The following CCDC192 variants were observed in gnomAD, a reference collection of about 807,000 sequenced individuals.
CCDC192 encodes the protein coiled-coil domain containing 192.
At chr5:127,870,564 G>C (rs1369642311) in intron 5 of CCDC192, among the ~76,000 whole-genome samples, 1 of 152,192 alleles carries the variant, frequency 6.6e-6, no homozygotes, top group Non-Finnish European at 1.5e-5. Flanking sequence ...AACTCTGGCA[G>C]CTCAACTTTC....
At chr5:127,915,159 T>C (rs1034641626) in intron 6 of CCDC192, among the ~76,000 whole-genome samples, 1 of 152,160 alleles carries the variant, frequency 6.6e-6, no homozygotes, top group South Asian at 2.1e-4. Flanking sequence ...CCAATACATA[T>C]AAAAGTTATG....
In CCDC192 at chr5:127,884,342, C is replaced by CAAAAAAAAA. The variant is rs778430655; in HGVS notation, c.535+8700_535+8708dup. On this transcript the variant is annotated intron_variant, in intron 6 of 6. Coordinates refer to ENST00000514853, the MANE Select transcript of CCDC192 (RefSeq NM_001317938.2). ...TGGGCGACAGAGCAAGACTCCGTCT[C>CAAAAAAAAA]AAAAAAAAAAAAAAAAAAAAAAAAA... is the stretch of plus-strand genomic sequence containing the variant. Among the ~76,000 whole-genome samples, 16 of 11,848 alleles carry CAAAAAAAAA rather than the reference C, an allele frequency of 1.4e-3. 1 individual carries two copies. The highest frequency in any genetic ancestry group is 2.0e-3 in the Non-Finnish European group (11 of 5,438). The allele number at this position is 11,848 out of a possible 152,430, so 7.8% of individuals were successfully genotyped here.
chr5:127,710,959 A>T (rs538444867), intron 2 of CCDC192, among the ~76,000 whole-genome samples: 2 of 152,268 alleles, frequency 1.3e-5, no homozygotes, highest in African/African-American at 4.8e-5. Flanking sequence ...GGAGAATTAG[A>T]ATGTTATTTA....
intron 5 of CCDC192, among the ~76,000 whole-genome samples, chr5:127,819,191 A>C (rs1204773336): frequency 6.6e-6 from 1 of 152,138 alleles, no homozygotes; most frequent in Non-Finnish European, 1.5e-5. Flanking sequence ...TTAAGCCACC[A>C]TTGAAAGCAA....
At chr5:127,907,502 T>C (rs1249473983) in intron 6 of CCDC192, among the ~76,000 whole-genome samples, 1 of 151,200 alleles carries the variant, frequency 6.6e-6, no homozygotes, top group Non-Finnish European at 1.5e-5. Flanking sequence ...TTATTTCCTT[T>C]CTCAACAGAG....
chr5:127,929,232 G>A (rs541239180), intron 6 of CCDC192, among the ~76,000 whole-genome samples: 6 of 152,306 alleles, frequency 3.9e-5, no homozygotes, highest in Middle Eastern at 3.4e-3. Flanking sequence ...TGAACCTGCC[G>A]CTGCTGTAGT....
intron 3 of CCDC192, among the ~76,000 whole-genome samples, chr5:127,771,119 A>T (rs1003867563): frequency 1.3e-5 from 2 of 152,228 alleles, no homozygotes; most frequent in Non-Finnish European, 2.9e-5. Context: ...TTCTACTGGA[A>T]GATGAAGTGC....
intron 5 of CCDC192, among the ~76,000 whole-genome samples, chr5:127,862,852 C>G (rs773857046): frequency 2.7e-5 from 4 of 150,188 alleles, no homozygotes; most frequent in Non-Finnish European, 5.9e-5. Context: ...CTGGCTCTAT[C>G]TGTCATGGAG....
At chr5:127,876,063 A>T (rs1447175919) in intron 6 of CCDC192, among the ~76,000 whole-genome samples, 1 of 128,796 alleles carries the variant, frequency 7.8e-6, no homozygotes, top group Admixed American at 8.0e-5. Flanking sequence ...AGAGAACAGA[A>T]TTTTTTTTTT....
At chr5:127,793,224 G>A (rs1220816708) in intron 3 of CCDC192, among the ~76,000 whole-genome samples, 2 of 152,116 alleles carry the variant, frequency 1.3e-5, no homozygotes, top group African/African-American at 4.8e-5. Flanking sequence ...CTAAAACATA[G>A]ATATCCTGAT....
At chr5:127,888,093 A>G (rs1259802776) in intron 6 of CCDC192, among the ~76,000 whole-genome samples, 1 of 151,978 alleles carries the variant, frequency 6.6e-6, no homozygotes, top group African/African-American at 2.4e-5. Context: ...AATACCTTAT[A>G]TATGTATTGT....
intron 6 of CCDC192, among the ~76,000 whole-genome samples, chr5:127,890,453 TAAA>T (rs35655743): frequency 8.1e-5 from 11 of 135,926 alleles, no homozygotes; most frequent in African/African-American, 8.1e-5. Context: ...ACCCTGTATT[TAAA>T]AAAAAAAAAA....
intron 3 of CCDC192, among the ~76,000 whole-genome samples, chr5:127,779,192 A>G (rs966696843): frequency 6.6e-6 from 1 of 151,900 alleles, no homozygotes; most frequent in African/African-American, 2.4e-5. Context: ...TAATGTAGGC[A>G]TTTTCAGCTA....
At chr5:127,861,481 C>T (rs1221296407) in intron 5 of CCDC192, among the ~76,000 whole-genome samples, 1 of 151,548 alleles carries the variant, frequency 6.6e-6, no homozygotes, top group Non-Finnish European at 1.5e-5. Context: ...ATAGCAAAGC[C>T]CCGTCTTTAC....
At chr5:127,783,990 T>G (rs1185020044) in intron 3 of CCDC192, among the ~76,000 whole-genome samples, 1 of 152,186 alleles carries the variant, frequency 6.6e-6, no homozygotes, top group Non-Finnish European at 1.5e-5. Flanking sequence ...ATGAAATACC[T>G]TTTTCCACCC....
intron 3 of CCDC192, among the ~76,000 whole-genome samples, chr5:127,783,184 C>A (rs1246979629): frequency 1.3e-5 from 2 of 151,880 alleles, no homozygotes; most frequent in Non-Finnish European, 2.9e-5. Context: ...TTAGTAAAGA[C>A]CATGTTTCAC....
intron 2 of CCDC192, among the ~76,000 whole-genome samples, chr5:127,747,125 C>T (rs1213521449): frequency 2.0e-5 from 3 of 146,936 alleles, no homozygotes; most frequent in Non-Finnish European, 4.5e-5. Flanking sequence ...TATTGTTATA[C>T]TTTAAGTTTT....
At chr5:127,775,811 A>T (rs1235827434) in intron 3 of CCDC192, among the ~76,000 whole-genome samples, 1 of 152,126 alleles carries the variant, frequency 6.6e-6, no homozygotes, top group Non-Finnish European at 1.5e-5. Context: ...AATAAATCTC[A>T]CAAGATCTGA....
intron 5 of CCDC192, among the ~76,000 whole-genome samples, chr5:127,845,035 T>C (rs1248198635): frequency 6.6e-6 from 1 of 152,222 alleles, no homozygotes; most frequent in African/African-American, 2.4e-5. Flanking sequence ...AGAAGGGTCA[T>C]GTGTGGAAGA....
Sources: allele counts gnomAD v4.1 joint callset (sites outside exome capture counted in the v4.1 genomes callset), GRCh38; gene constraint gnomAD v4.1.1; transcripts MANE v1.5; gene names NCBI Gene and HGNC (gene_info 2026-07-23, HGNC 2026-07-21).